RAD51B: variants seen among roughly 807,000 people sequenced by gnomAD.
RAD51B encodes DNA repair protein RAD51 homolog 2.
A neutral mutation model predicts 42.2 loss-of-function variants in RAD51B; 38 were observed. That is an observed-to-expected ratio of 0.90 (90% CI 0.70 to 1.18). RAD51B has a LOEUF of 1.18. Among genes scored for constraint, RAD51B ranks in the 50% most tolerant of loss-of-function variants. RAD51B has a pLI of 0.00. For missense variants in RAD51B, 373 were observed against 400.7 expected (o/e 0.93, Z 0.59); for synonymous variants, 154 against 145.2 (o/e 1.06, Z -0.43).
intron 7 of RAD51B, among the ~76,000 whole-genome samples, chr14:67,949,180 CTCTT>C (rs1450715105): frequency 6.6e-6 from 1 of 152,084 alleles, no homozygotes; most frequent in African/African-American, 2.4e-5. Context: ...AATCAATTGA[CTCTT>C]CCTTTCATGA....
At chr14:67,893,620 A>G (rs949047380) in intron 7 of RAD51B, among the ~76,000 whole-genome samples, 9 of 151,992 alleles carry the variant, frequency 5.9e-5, no homozygotes, top group African/African-American at 2.2e-4. Context: ...GCAATGAGCT[A>G]TGAACATGCC....
At chr14:68,351,623 G>A (rs1437113266) in intron 8 of RAD51B, among the ~76,000 whole-genome samples, 2 of 152,176 alleles carry the variant, frequency 1.3e-5, no homozygotes, top group Non-Finnish European at 2.9e-5. Flanking sequence ...CTGGAGAGAT[G>A]TCCTGCCACC....
At chr14:67,986,538 C>T (rs1230931270) in intron 7 of RAD51B, among the ~76,000 whole-genome samples, 3 of 152,096 alleles carry the variant, frequency 2.0e-5, no homozygotes, top group African/African-American at 4.8e-5. Context: ...TACAGAGTCC[C>T]AAAATAGTAT....
At chr14:68,187,972 G>T (rs2140899099) in intron 7 of RAD51B, among the ~76,000 whole-genome samples, 1 of 152,052 alleles carries the variant, frequency 6.6e-6, no homozygotes, top group East Asian at 1.9e-4. Context: ...ACGCCACGAT[G>T]GCCAGCTAAT....
chr14:68,267,931 A>G (rs999501578), intron 7 of RAD51B, among the ~76,000 whole-genome samples: 3 of 149,020 alleles, frequency 2.0e-5, no homozygotes, highest in African/African-American at 7.8e-5. Flanking sequence ...GATAAAACCA[A>G]ACTTTTCAGA....
At chr14:68,141,047 C>T (rs868773946) in intron 7 of RAD51B, among the ~76,000 whole-genome samples, 2 of 152,048 alleles carry the variant, frequency 1.3e-5, no homozygotes, top group South Asian at 2.1e-4. Context: ...AGCAATAAAC[C>T]GGGACTGTCG....
At chr14:67,931,323 A>G (rs2044724906) in intron 7 of RAD51B, among the ~76,000 whole-genome samples, 2 of 152,036 alleles carry the variant, frequency 1.3e-5, no homozygotes, top group Non-Finnish European at 2.9e-5. Flanking sequence ...GTATTTTTTC[A>G]AGGACTTCTT....
At chr14:68,027,588 G>A (rs906813875) in intron 7 of RAD51B, among the ~76,000 whole-genome samples, 1 of 151,910 alleles carries the variant, frequency 6.6e-6, no homozygotes, top group South Asian at 2.1e-4. Context: ...ACTGGTCTTC[G>A]AGTTCTGGGA....
intron 7 of RAD51B, among the ~76,000 whole-genome samples, chr14:68,144,004 A>G (rs180710519): frequency 6.6e-6 from 1 of 151,266 alleles, no homozygotes; most frequent in East Asian, 2.0e-4. Flanking sequence ...CCTGTGGAAG[A>G]TTTCATTTAT....
intron 4 of RAD51B, among the ~76,000 whole-genome samples, chr14:67,860,140 G>T (rs1176245925): frequency 6.6e-6 from 1 of 152,088 alleles, no homozygotes; most frequent in Non-Finnish European, 1.5e-5. Context: ...ACTCTTTCAT[G>T]AACAAATACT....
rs34315703 is a variant in RAD51B, at chr14:68,045,523, C to A, written c.756+158319C>A. ...GTGAATAATACTTCCTGCCAAAAAT[C>A]CATTAACCTTACAGGAAACAAAACC... is the stretch of plus-strand genomic sequence containing the variant. On this transcript the variant is annotated intron_variant, in intron 7 of 10. Coordinates refer to ENST00000471583, the MANE Select transcript of RAD51B (RefSeq NM_133510.4). 5.4e-3 allele frequency among the ~76,000 whole-genome samples: 826 copies of A among 152,130 alleles called. 9 individuals carry two copies. Among genetic ancestry groups the A allele is most frequent in the Non-Finnish European group, 7.4e-3 (505 of 67,998 alleles).
rs751735472 is a variant in RAD51B at position 67,825,523 on chromosome 14, T to C, written c.144T>C (p.Gly48=). 6.2e-7 allele frequency: 1 copy of C among 1,613,886 alleles called. No homozygotes were observed. Among genetic ancestry groups the C allele is most frequent in the South Asian group, 1.1e-5 (1 of 91,046 alleles). Residue 48 remains glycine, a synonymous_variant, in exon 3 of 11, where the codon GGT becomes GGC. Coordinates refer to ENST00000471583, the MANE Select transcript of RAD51B (RefSeq NM_133510.4). ...AGGTGACTGGTCTGAGTTATCGAGGTGTCCATGAACTTCTATGTATGGTCA... is the reference window on the plus strand; with the variant it reads ...AGGTGACTGGTCTGAGTTATCGAGGCGTCCATGAACTTCTATGTATGGTCA... ...LMKVTGLSYR[G]VHELLCMVSR...
At chr14:68,611,066 A>C in exon 11 of RAD51B, 1 of 703,230 alleles carries the variant, frequency 1.4e-6, no homozygotes. Flanking sequence ...GCAGACTCAC[A>C]TCCCAGCCCT....
intron 5 of RAD51B, among the ~76,000 whole-genome samples, chr14:67,878,471 T>C (rs2042799922): frequency 6.6e-6 from 1 of 152,168 alleles, no homozygotes; most frequent in Non-Finnish European, 1.5e-5. Context: ...AATTTATCTT[T>C]CAACTTTGGT....
downstream of RAD51B, among the ~76,000 whole-genome samples, chr14:68,598,688 G>A (rs775755705): frequency 1.3e-5 from 2 of 152,186 alleles, no homozygotes; most frequent in Admixed American, 6.5e-5. Context: ...ACGGTGCCGG[G>A]CTCCAGTGTG....
intron 7 of RAD51B, among the ~76,000 whole-genome samples, chr14:68,280,280 A>G (rs1229979799): frequency 6.6e-6 from 1 of 152,208 alleles, no homozygotes; most frequent in African/African-American, 2.4e-5. Context: ...ATGATTTTGC[A>G]TTAAACAAAT....
intron 7 of RAD51B, among the ~76,000 whole-genome samples, chr14:68,127,776 C>T (rs2077800441): frequency 1.3e-5 from 2 of 152,126 alleles, no homozygotes; most frequent in South Asian, 4.1e-4. Flanking sequence ...TACTTTAAAA[C>T]CCAGAGATGG....
intron 10 of RAD51B, among the ~76,000 whole-genome samples, chr14:68,512,669 C>T (rs953099744): frequency 3.9e-5 from 6 of 152,108 alleles, no homozygotes; most frequent in Non-Finnish European, 5.9e-5. Flanking sequence ...ATGTGGCAGC[C>T]TCTCTTCTAG....
At chr14:68,040,162 A>G (rs569518670) in intron 7 of RAD51B, among the ~76,000 whole-genome samples, 1 of 152,352 alleles carries the variant, frequency 6.6e-6, no homozygotes, top group African/African-American at 2.4e-5. Flanking sequence ...ATTAAAGTAT[A>G]GCTTCTAAGA....
Sources: gnomAD v4.1 joint callset for allele counts (sites outside exome capture counted in the v4.1 genomes callset) on GRCh38, gnomAD v4.1.1 for gene constraint, MANE v1.5 for transcripts, NCBI Gene and HGNC (gene_info 2026-07-23, HGNC 2026-07-21) for gene names.